MAP3K15: variants seen among roughly 807,000 people sequenced by gnomAD.
MAP3K15 encodes the protein mitogen-activated protein kinase kinase kinase 15, also known as MAPK/ERK kinase kinase 15.
A neutral mutation model predicts 99.5 loss-of-function variants in MAP3K15; 124 were observed. That is an observed-to-expected ratio of 1.25 (90% CI 1.08 to 1.45). MAP3K15 has a LOEUF of 1.45. Ranked by LOEUF, MAP3K15 falls within the 40% of genes most tolerant of loss-of-function variation. The pLI is 0.00. For synonymous variants in MAP3K15, 494 were observed against 439.6 expected (o/e 1.12, Z -1.55); for missense variants, 1,242 against 1,079.7 (o/e 1.15, Z -2.11).
chrX:19,456,009 T>G (rs1032556921), intron 6 of MAP3K15, among the ~76,000 whole-genome samples: 1 of 111,218 alleles, frequency 9.0e-6, no homozygotes, highest in African/African-American at 3.3e-5. Context: ...CAACAATGCA[T>G]CCTTGGGATG....
chrX:19,417,316 G>A (rs181774057), intron 9 of MAP3K15, among the ~76,000 whole-genome samples: 2,131 of 112,154 alleles, frequency 0.019, 62 homozygotes, highest in African/African-American at 0.065. Flanking sequence ...GGTGACAGAC[G>A]GCACCTGGAA....
intron 3 of MAP3K15, among the ~76,000 whole-genome samples, 163 bp from the exon 4 acceptor site, chrX:19,464,569 C>T (rs748558461): frequency 9.0e-6 from 1 of 111,218 alleles, no homozygotes; most frequent in Admixed American, 9.6e-5. Context: ...GGAAACCGCT[C>T]GATTTCAAAA....
intron 6 of MAP3K15, among the ~76,000 whole-genome samples, chrX:19,447,740 C>T (rs1237321352): frequency 2.1e-5 from 2 of 95,893 alleles, no homozygotes; most frequent in African/African-American, 3.6e-5. Context: ...AAAAATTAGC[C>T]GGGCGTAGTG....
Position 19,371,138 on chromosome X carries a change from C to G in MAP3K15, c.3295-74G>C, listed in dbSNP as rs182259394. On this transcript the variant is annotated intron_variant, in intron 23 of 28. Transcript: ENST00000338883. Reference sequence around the variant, plus strand: ...ATTTCCAGTGCATTGCACGGAGAATCACGGCAACCTACACTCATCCTCTTG... The same window carrying G: ...ATTTCCAGTGCATTGCACGGAGAATGACGGCAACCTACACTCATCCTCTTG... The G allele has an allele frequency of 4.5e-4, 392 of 871,303 alleles. 1 individual carries two copies. The African/African-American group carries it at 6.0e-3, about 13-fold the overall frequency. The allele number at this position is 871,303 out of a possible 1,213,427, so 71.8% of individuals were successfully genotyped here. A position where few individuals can be genotyped will look rare whatever the true frequency, so the allele number is the denominator to read the frequency against.
At chrX:19,512,568 G>A (rs1319486298) in intron 1 of MAP3K15, among the ~76,000 whole-genome samples, 2 of 110,516 alleles carry the variant, frequency 1.8e-5, no homozygotes, top group African/African-American at 3.3e-5. Context: ...TCGACCTCCC[G>A]GGCTTAAGTG....
chrX:19,379,703 A>G (rs1175818716), intron 19 of MAP3K15, among the ~76,000 whole-genome samples: 1 of 110,311 alleles, frequency 9.1e-6, no homozygotes, highest in East Asian at 2.8e-4. Flanking sequence ...CGGCCTCCCA[A>G]ATTGCTGGGA....
rs745566169 is a variant in MAP3K15 at position 19,360,959 on chromosome X, G to A, written c.3858-126C>T. 2.3e-4 allele frequency: 114 copies of A among 489,096 alleles called. 1 individual carries two copies. The highest frequency in any genetic ancestry group is 7.6e-4 in the Admixed American group (19 of 24,948). 40.3% of individuals were successfully genotyped at this position (489,096 alleles called of 1,213,427 possible). A position where few individuals can be genotyped will look rare whatever the true frequency, so the allele number is the denominator to read the frequency against. Reference sequence around the variant, plus strand: ...CTCCTCACATATGGAGGTGACGCTCGTGTCCCAGCAGTAGTAGGACATGGC... The same window carrying A: ...CTCCTCACATATGGAGGTGACGCTCATGTCCCAGCAGTAGTAGGACATGGC... On this transcript the variant is annotated intron_variant, in intron 28 of 28. Coordinates refer to ENST00000338883, the MANE Select transcript of MAP3K15 (RefSeq NM_001001671.4).
chrX:19,506,092 C>T (rs2064474788), intron 1 of MAP3K15, among the ~76,000 whole-genome samples: 3 of 111,185 alleles, frequency 2.7e-5, no homozygotes, highest in Non-Finnish European at 5.7e-5. Context: ...GCCACAACGC[C>T]CAGCTAATTT....
rs1472440446 is a variant in MAP3K15, at chrX:19,515,053, C to T, written c.209G>A (p.Ser70Asn). ...ALRAVYVRSE[S>N]SQGGAAGGPE... ...GCCGCCGGCCGCGCCGCCCTGGGAG[C>T]TCTCACTGCGCACGTATACTGCCCG... Residue 70 changes from serine (S) to asparagine (N), a missense_variant, in exon 1 of 29, where the codon AGC becomes AAC. Coordinates refer to ENST00000338883, the MANE Select transcript of MAP3K15 (RefSeq NM_001001671.4). 4.0e-6 allele frequency: 4 copies of T among 995,000 alleles called. No individual in the cohort carries two copies. The highest frequency in any genetic ancestry group is 2.1e-5 in the African/African-American group (1 of 48,096). The allele number at this position is 995,000 out of a possible 1,213,427, so 82.0% of individuals were successfully genotyped here.
chrX:19,467,515 T>C (rs1467332130), intron 3 of MAP3K15, among the ~76,000 whole-genome samples: 1 of 110,771 alleles, frequency 9.0e-6, no homozygotes, highest in Non-Finnish European at 1.9e-5. Context: ...ACACCTGTAA[T>C]CCCAGCACTT....
At chrX:19,397,888 A>G (rs760547823) in intron 15 of MAP3K15, among the ~76,000 whole-genome samples, 3 of 109,214 alleles carry the variant, frequency 2.7e-5, no homozygotes, top group Non-Finnish European at 5.7e-5. Context: ...GACCAACCTG[A>G]CCAACATGGT....
chrX:19,443,387 G>T (rs1357149476), intron 6 of MAP3K15, among the ~76,000 whole-genome samples: 4 of 111,539 alleles, frequency 3.6e-5, no homozygotes, highest in African/African-American at 1.3e-4. Context: ...AATGTTACTA[G>T]GCACTGGCTA....
intron 9 of MAP3K15, among the ~76,000 whole-genome samples, chrX:19,420,100 T>C (rs1002834841): frequency 4.5e-5 from 5 of 111,486 alleles, no homozygotes; most frequent in African/African-American, 1.3e-4. Flanking sequence ...AGATCCAAAA[T>C]TGACACCCTA....
rs1361487756 is a variant in MAP3K15 at position 19,360,661 on chromosome X, C to T, written c.*88G>A. 1 of 684,710 alleles carries T rather than the reference C, an allele frequency of 1.5e-6. No homozygotes were observed. The highest frequency in any genetic ancestry group is 2.8e-5 in the Admixed American group (1 of 35,313). The allele number at this position is 684,710 out of a possible 1,213,427, so 56.4% of individuals were successfully genotyped here. ...ACAATGGCATTTTTAAATATGTAAACACAGCGGAATTCGTGTATACACTAA... is the reference window on the plus strand; with the variant it reads ...ACAATGGCATTTTTAAATATGTAAATACAGCGGAATTCGTGTATACACTAA... On this transcript the variant is annotated 3_prime_UTR_variant, in exon 29 of 29. Transcript: ENST00000338883.
Position 19,515,008 on chromosome X carries a change from TGCCGCGCCCCAGCCTCCGGGCCGCCG to T in MAP3K15, c.228_253del (p.Gly77ValfsTer62). 9.1e-7 allele frequency: 1 copy of T among 1,096,615 alleles called. No homozygotes were observed. Among genetic ancestry groups the T allele is most frequent in the Non-Finnish European group, 1.2e-6 (1 of 842,942 alleles). The allele number at this position is 1,096,615 out of a possible 1,213,427, so 90.4% of individuals were successfully genotyped here. A position where few individuals can be genotyped will look rare whatever the true frequency, so the allele number is the denominator to read the frequency against. ...GGCCTCGCAGGCCCGCAGCAGGCAC[TGCCGCGCCCCAGCCTCCGGGCCGCCG>T]GCCGCGCCGCCCTGGGAGCTCTCAC... On this transcript the variant is annotated frameshift_variant, in exon 1 of 29. Transcript: ENST00000338883. LOFTEE classifies it high-confidence loss of function.
At chrX:19,424,188 A>C (rs1450731466) in intron 9 of MAP3K15, among the ~76,000 whole-genome samples, 1 of 107,532 alleles carries the variant, frequency 9.3e-6, no homozygotes, top group African/African-American at 3.5e-5. Context: ...CAAATCATGT[A>C]TATATACACA....
At chrX:19,397,021 T>C (rs991205217) in intron 15 of MAP3K15, among the ~76,000 whole-genome samples, 5 of 108,947 alleles carry the variant, frequency 4.6e-5, no homozygotes, top group African/African-American at 1.7e-4. Context: ...TGCCTCAGCC[T>C]CCAGAGTAGC....
intron 6 of MAP3K15, among the ~76,000 whole-genome samples, chrX:19,441,489 T>G (rs1180299313): frequency 1.8e-5 from 2 of 111,546 alleles, no homozygotes; most frequent in Non-Finnish European, 3.8e-5. Context: ...GTTTTTTGGG[T>G]CTTTGAGACA....
rs2063261212 is a variant in MAP3K15, at chrX:19,360,066, T to TA, written c.*682dup. 3 of 189,692 alleles carry TA rather than the reference T, an allele frequency of 1.6e-5. No homozygotes were observed. Among genetic ancestry groups the TA allele is most frequent in the Non-Finnish European group, 2.9e-5 (3 of 103,402 alleles). 15.6% of individuals were successfully genotyped at this position (189,692 alleles called of 1,213,427 possible). On this transcript the variant is annotated 3_prime_UTR_variant, in exon 29 of 29. Transcript: ENST00000338883. ...TCGCGCTGACCATTTCTCTACAAGA[T>TA]ACAATATTTATTATCAGGCAAGAGG... is the stretch of plus-strand genomic sequence containing the variant.
Sources: allele counts gnomAD v4.1 joint callset (sites outside exome capture counted in the v4.1 genomes callset), GRCh38; gene constraint gnomAD v4.1.1; transcripts MANE v1.5; gene names NCBI Gene and HGNC (gene_info 2026-07-23, HGNC 2026-07-21).